FRMD3: variants seen among roughly 807,000 people sequenced by gnomAD.
FRMD3 encodes FERM domain containing 3.
A neutral mutation model predicts 70.2 loss-of-function variants in FRMD3; 33 were observed. The observed-to-expected ratio is 0.47, with a 90% CI of 0.36 to 0.63. FRMD3 has a LOEUF of 0.63. Among genes scored for constraint, FRMD3 ranks in the 20% least tolerant of loss-of-function variants. FRMD3 has a pLI of 0.00. For missense variants in FRMD3, 632 were observed against 711.4 expected, an observed-to-expected ratio of 0.89 and a Z score of 1.27; for synonymous variants, 279 against 255.9, an observed-to-expected ratio of 1.09 and a Z score of -0.86.
chr9:83,513,798 G>A (rs559626722), intron 1 of FRMD3, among the ~76,000 whole-genome samples: 14 of 152,272 alleles, frequency 9.2e-5, no homozygotes, highest in Admixed American at 9.1e-4. Flanking sequence ...GACAGTGGGT[G>A]CAGCCCACAG....
At chr9:83,343,161 TG>T (rs1453868290) in intron 5 of FRMD3, 28 bp downstream of exon 5, 1 of 1,464,912 alleles carries the variant, frequency 6.8e-7, no homozygotes. Context: ...AGTGCAAAGG[TG>T]GCGTGGGTGA....
chr9:83,557,858 G>A, the FRMD3 span, among the ~76,000 whole-genome samples: 3 of 152,198 alleles, frequency 2.0e-5, no homozygotes, highest in Non-Finnish European at 4.4e-5. Flanking sequence ...GATTTTATCT[G>A]AAACCCTGAG....
intron 6 of FRMD3, among the ~76,000 whole-genome samples, chr9:83,329,259 T>C (rs901715971): frequency 1.3e-5 from 2 of 152,138 alleles, no homozygotes; most frequent in Admixed American, 6.5e-5. Flanking sequence ...AAAATGCAAA[T>C]TGATTTGATA....
chr9:83,284,131 G>A (rs527776886), intron 13 of FRMD3, among the ~76,000 whole-genome samples: 48 of 129,332 alleles, frequency 3.7e-4, no homozygotes, highest in Admixed American at 1.6e-3. Context: ...AGAAGTTGAT[G>A]TACTAGCTTT....
At position 83,247,502 on chromosome 9, in the gene FRMD3, T is replaced by G. The variant is rs904673655; in HGVS notation, c.*416A>C. 1.0e-6 allele frequency: 1 copy of G among 987,730 alleles called. No homozygotes were observed. Among genetic ancestry groups the G allele is most frequent in the African/African-American group, 1.7e-5 (1 of 57,232 alleles). The allele number at this position is 987,730 out of a possible 1,614,324, so 61.2% of individuals were successfully genotyped here. Reference sequence around the variant, plus strand: ...TGTATAGGCATTGGTTAGAGGACACTGTTTTCACTAAGGATTATATTCAAC... The same window carrying G: ...TGTATAGGCATTGGTTAGAGGACACGGTTTTCACTAAGGATTATATTCAAC... On this transcript the variant is annotated 3_prime_UTR_variant, in exon 14 of 14. Coordinates refer to ENST00000304195, the MANE Select transcript of FRMD3 (RefSeq NM_174938.6).
At chr9:83,580,458 G>A in the FRMD3 span, among the ~76,000 whole-genome samples, 1 of 152,096 alleles carries the variant, frequency 6.6e-6, no homozygotes, top group Non-Finnish European at 1.5e-5. Flanking sequence ...TCTGTCACTT[G>A]AAACAACATG....
chr9:83,510,142 G>A (rs28493568), intron 1 of FRMD3, among the ~76,000 whole-genome samples: 1,691 of 152,328 alleles, frequency 0.011, 35 homozygotes, highest in African/African-American at 0.039. Context: ...GTTTCAGCAT[G>A]AAGATGCCCC....
chr9:83,259,222 TG>T (rs1421180848), intron 13 of FRMD3, among the ~76,000 whole-genome samples: 3 of 152,222 alleles, frequency 2.0e-5, no homozygotes, highest in Non-Finnish European at 4.4e-5. Flanking sequence ...TCCATACAGA[TG>T]GAACACCTAT....
intron 1 of FRMD3, among the ~76,000 whole-genome samples, chr9:83,505,239 TA>T (rs1829155899): frequency 6.6e-6 from 1 of 152,230 alleles, no homozygotes; most frequent in Non-Finnish European, 1.5e-5. Flanking sequence ...AAATACAATA[TA>T]AATCTGTAAA....
chr9:83,445,340 A>AG (rs1347404241), intron 1 of FRMD3, among the ~76,000 whole-genome samples: 16 of 137,808 alleles, frequency 1.2e-4, no homozygotes, highest in East Asian at 2.2e-4. Flanking sequence ...TCTCAAAAAT[A>AG]AATAGATAGA....
At chr9:83,430,202 C>A (rs1361756674) in intron 1 of FRMD3, among the ~76,000 whole-genome samples, 1 of 152,164 alleles carries the variant, frequency 6.6e-6, no homozygotes, top group Non-Finnish European at 1.5e-5. Flanking sequence ...TCCTGTATCT[C>A]TTCCCTCCTC....
At chr9:83,377,631 C>G (rs1825191928) in intron 2 of FRMD3, among the ~76,000 whole-genome samples, 1 of 152,098 alleles carries the variant, frequency 6.6e-6, no homozygotes, top group African/African-American at 2.4e-5. Flanking sequence ...CTCCTCTCTC[C>G]TGCTCCTGCT....
intron 13 of FRMD3, among the ~76,000 whole-genome samples, chr9:83,272,135 G>C (rs181823734): frequency 7.0e-6 from 1 of 143,384 alleles, no homozygotes; most frequent in Non-Finnish European, 1.5e-5. Flanking sequence ...CTCTCTCCAC[G>C]GTCTCCCTCT....
At chr9:83,525,233 A>T (rs1345410184) in intron 1 of FRMD3, among the ~76,000 whole-genome samples, 2 of 152,198 alleles carry the variant, frequency 1.3e-5, no homozygotes, top group Non-Finnish European at 2.9e-5. Context: ...CCATACCCTG[A>T]TCTGTTAACA....
chr9:83,490,794 TCTCTCACACACACACACACA>T (rs1009775881), intron 1 of FRMD3, among the ~76,000 whole-genome samples: 1 of 120,544 alleles, frequency 8.3e-6, no homozygotes, highest in African/African-American at 3.8e-5. Flanking sequence ...TCTCTCTCTC[TCTCTCACACACACACACACA>T]CACACACACA....
At position 83,313,697 on chromosome 9, in the gene FRMD3, G is replaced by A. The variant is rs1437811345; in HGVS notation, c.647C>T (p.Thr216Ile). The A allele has an allele frequency of 6.2e-7, 1 of 1,614,138 alleles. No homozygotes were observed. The highest frequency in any genetic ancestry group is 1.7e-5 in the Admixed American group (1 of 60,022). ...AEFNLLLKAH[T>I]LETYGVDPHP... ...AGGATCCACCCCGTAGGTTTCCAAA[G>A]TGTGAGCTTTCAGGAGCAAGTTAAA... The change falls in exon 7 of 14, where the codon ACT (threonine) becomes ATT (isoleucine). Residue 216 changes from threonine to isoleucine, a missense_variant. Thr to Ile is a moderately conservative substitution (Grantham distance 89). This residue lies in a region of FRMD3 where 6 missense variants were observed against 21.6 expected (regional missense o/e 0.28). Transcript: ENST00000304195.
At chr9:83,339,657 G>A (rs1823691680) in intron 5 of FRMD3, among the ~76,000 whole-genome samples, 1 of 152,108 alleles carries the variant, frequency 6.6e-6, no homozygotes, top group Non-Finnish European at 1.5e-5. Context: ...GCTAAGTCAG[G>A]AGCCCTCCTG....
chr9:83,464,512 A>G (rs1235666782), intron 1 of FRMD3, among the ~76,000 whole-genome samples: 2 of 152,214 alleles, frequency 1.3e-5, no homozygotes, highest in African/African-American at 4.8e-5. Context: ...GTCCCGAATC[A>G]CAGTGCTTAG....
intron 9 of FRMD3, 41 bp downstream of exon 9, chr9:83,310,443 GC>G: frequency 6.8e-7 from 1 of 1,475,380 alleles, no homozygotes; most frequent in Non-Finnish European, 9.4e-7. Flanking sequence ...TCTCTCTCAT[GC>G]ACACACAATA....
Sources: allele counts gnomAD v4.1 joint callset (sites outside exome capture counted in the v4.1 genomes callset), GRCh38; gene constraint gnomAD v4.1.1; regional missense constraint gnomAD v4.1.1; transcripts MANE v1.5; gene names NCBI Gene and HGNC (gene_info 2026-07-23, HGNC 2026-07-21).